DNAH9: variants seen among roughly 807,000 people sequenced by gnomAD.
DNAH9 encodes dynein axonemal heavy chain 9.
Under a neutral mutation model 471.6 loss-of-function variants are expected in DNAH9, and 345 were observed. The observed-to-expected ratio is 0.73, with a 90% CI of 0.67 to 0.80. The LOEUF (loss-of-function observed/expected upper bound fraction) is 0.80, where lower values mean the gene tolerates loss of function less well. Among genes scored for constraint, DNAH9 ranks in the 30% least tolerant of loss-of-function variants. The pLI, the probability that DNAH9 is intolerant of heterozygous loss-of-function variation, is 0.00. For missense variants in DNAH9, 5,407 were observed against 5,609.2 expected (o/e 0.96, Z 1.15); for synonymous variants, 2,093 against 2,123.6 (o/e 0.99, Z 0.40).
At chr17:11,914,064 G>A (rs1973867968) in intron 61 of DNAH9, among the ~76,000 whole-genome samples, 1 of 152,150 alleles carries the variant, frequency 6.6e-6, no homozygotes, top group Non-Finnish European at 1.5e-5. Context: ...TCACTGCAAA[G>A]GCAAGTAATG....
At chr17:11,747,049 AC>A in intron 31 of DNAH9, among the ~76,000 whole-genome samples, 1 of 152,356 alleles carries the variant, frequency 6.6e-6, no homozygotes, top group South Asian at 2.1e-4. Flanking sequence ...AGAAAAGAGA[AC>A]CTTAAGAAAA....
intron 48 of DNAH9, among the ~76,000 whole-genome samples, chr17:11,828,938 C>T (rs565673021): frequency 1.3e-5 from 2 of 152,262 alleles, no homozygotes; most frequent in Admixed American, 6.5e-5. Flanking sequence ...GGAACTGACA[C>T]ATGGCAAGCA....
chr17:11,887,110 T>G, intron 57 of DNAH9, 145 bp downstream of exon 57: 1 of 1,106,592 alleles, frequency 9.0e-7, no homozygotes, highest in African/African-American at 1.6e-5. Context: ...CTATGTTACC[T>G]TCAGACATCT....
At chr17:11,727,010 T>C (rs1448113912) in intron 27 of DNAH9, among the ~76,000 whole-genome samples, 2 of 116,944 alleles carry the variant, frequency 1.7e-5, no homozygotes, top group Non-Finnish European at 3.2e-5. Context: ...ATCGCACCAC[T>C]GCACTCCAGC....
chr17:11,661,571 T>C (rs1054839726), intron 14 of DNAH9, among the ~76,000 whole-genome samples: 2 of 152,178 alleles, frequency 1.3e-5, no homozygotes, highest in African/African-American at 4.8e-5. Context: ...AATTTCTCAA[T>C]TGGCATTTCA....
At position 11,834,841 on chromosome 17, in the gene DNAH9, G is replaced by A; in HGVS notation, c.9450G>A (p.Leu3150=). The A allele has an allele frequency of 6.2e-7, 1 of 1,613,958 alleles. No homozygotes were observed. Residue 3150 remains leucine (L), a synonymous_variant, in exon 49 of 69, where the codon CTG becomes CTA. Transcript: ENST00000262442. ...AGCAGAAGGACTGTGAGGAGGACCT[G>A]GCAAAGGCTGAGCCAGCACTCACAG... ...KQKQKDCEED[L]AKAEPALTAA... is the part of the protein sequence containing the mutation.
chr17:11,810,917 G>C (rs925707116), intron 45 of DNAH9, among the ~76,000 whole-genome samples: 1 of 152,234 alleles, frequency 6.6e-6, no homozygotes, highest in South Asian at 2.1e-4. Flanking sequence ...AGAGTGTGAA[G>C]TGGCCTGTGA....
chr17:11,955,563 G>A (rs113922027), intron 67 of DNAH9, among the ~76,000 whole-genome samples: 213 of 152,300 alleles, frequency 1.4e-3, no homozygotes, highest in Non-Finnish European at 1.9e-3. Context: ...TTGGAGATTT[G>A]CTAGAAGGAC....
chr17:11,698,217 A>ATAT (rs1287282515), intron 22 of DNAH9, among the ~76,000 whole-genome samples: 3 of 125,570 alleles, frequency 2.4e-5, no homozygotes, highest in South Asian at 2.2e-4. Context: ...TAATATAATT[A>ATAT]TATTAATATA....
chr17:11,616,839 T>C (rs1389730551), intron 4 of DNAH9, among the ~76,000 whole-genome samples: 2 of 152,198 alleles, frequency 1.3e-5, no homozygotes, highest in African/African-American at 4.8e-5. Context: ...GACTTCTTTA[T>C]AAGTGCTCAG....
chr17:11,618,608 G>A lies in DNAH9; in HGVS notation c.1117-940G>A, dbSNP rs570089216. The stretch of plus-strand genomic sequence containing the variant: ...TCAAAAAAAAAAAAAAGAACTAGAG[G>A]GCTTAAGGAGGTTTGGGTGATCTCT... On this transcript the variant is annotated intron_variant, in intron 5 of 68. Transcript: ENST00000262442. Among the ~76,000 whole-genome samples, 5 of 151,776 alleles carry A rather than the reference G, an allele frequency of 3.3e-5. No homozygotes were observed. In the South Asian group the frequency reaches 1.0e-3, roughly 32 times the overall value.
chr17:11,715,297 T>C (rs1167566507), intron 26 of DNAH9, among the ~76,000 whole-genome samples: 1 of 152,204 alleles, frequency 6.6e-6, no homozygotes, highest in African/African-American at 2.4e-5. Flanking sequence ...TCTTGTCTCA[T>C]AGTATCCTCA....
intron 20 of DNAH9, 62 bp downstream of exon 20, chr17:11,690,498 C>T (rs779346700): frequency 6.1e-6 from 9 of 1,479,756 alleles, no homozygotes; most frequent in Non-Finnish European, 8.3e-6. Flanking sequence ...GGAAGGTCAC[C>T]CAGTTCCTGC....
chr17:11,598,789 C>T lies in DNAH9; in HGVS notation c.291C>T (p.Gly97=). The T allele has an allele frequency of 1.4e-6, 2 of 1,474,012 alleles. No homozygotes were observed. The highest frequency in any genetic ancestry group is 1.8e-6 in the Non-Finnish European group (2 of 1,116,118). The allele number at this position is 1,474,012 out of a possible 1,614,324, so 91.3% of individuals were successfully genotyped here. Residue 97 remains glycine (G), a synonymous_variant, in exon 1 of 69, where the codon GGC becomes GGT. Coordinates refer to ENST00000262442, the MANE Select transcript of DNAH9 (RefSeq NM_001372.4). The part of the protein sequence containing the change: ...LEVGPESGLA[G]AKALFFLRTG... ...TGGGACCTGAGTCGGGCCTGGCTGG[C>T]GCTAAGGCGCTTTTTTTCCTTCGCA...
intron 42 of DNAH9, among the ~76,000 whole-genome samples, chr17:11,794,761 A>C (rs137930581): frequency 1.3e-5 from 2 of 152,324 alleles, no homozygotes; most frequent in East Asian, 3.9e-4. Context: ...CCTGCTAAGT[A>C]GTTTTGCTAC....
chr17:11,923,713 C>T (rs756685346), intron 61 of DNAH9, 101 bp from the exon 62 acceptor site: 20 of 1,457,392 alleles, frequency 1.4e-5, no homozygotes, highest in South Asian at 2.6e-5. Context: ...TGGGCATGCC[C>T]GTGTTTGAGG....
At chr17:11,930,206 G>A (rs1242885649) in intron 63 of DNAH9, 113 bp downstream of exon 63, 3 of 920,762 alleles carry the variant, frequency 3.3e-6, no homozygotes, top group Middle Eastern at 2.2e-4. Flanking sequence ...GTTGGGCTAC[G>A]GAGCAATGCT....
intron 10 of DNAH9, among the ~76,000 whole-genome samples, chr17:11,643,314 T>G (rs967746422): frequency 6.6e-6 from 1 of 152,178 alleles, no homozygotes; most frequent in South Asian, 2.1e-4. Flanking sequence ...GTGTATTACA[T>G]GTGCACATGT....
chr17:11,803,546 G>A (rs1048859406), intron 43 of DNAH9, among the ~76,000 whole-genome samples: 1 of 152,216 alleles, frequency 6.6e-6, no homozygotes, highest in Non-Finnish European at 1.5e-5. Context: ...TGGCCCAGGA[G>A]CACTTTAGAA....
Sources: gnomAD v4.1 joint callset for allele counts (sites outside exome capture counted in the v4.1 genomes callset) on GRCh38, gnomAD v4.1.1 for gene constraint, MANE v1.5 for transcripts, NCBI Gene and HGNC (gene_info 2026-07-23, HGNC 2026-07-21) for gene names.